The following PLEKHG1 variants were observed in gnomAD, a reference collection of about 807,000 sequenced individuals.
PLEKHG1 encodes the protein pleckstrin homology domain-containing family G member 1.
A neutral mutation model predicts 100.8 loss-of-function variants in PLEKHG1; 44 were observed. The ratio of observed to expected loss-of-function variants is 0.44; its 90% confidence interval spans 0.34 to 0.56. The LOEUF (loss-of-function observed/expected upper bound fraction) is 0.56, where lower values mean the gene tolerates loss of function less well. PLEKHG1 is among the 20% of genes least tolerant of loss of function. PLEKHG1 has a pLI of 0.01. For missense variants in PLEKHG1, 1,545 were observed against 1,720.9 expected, an observed-to-expected ratio of 0.90 and a Z score of 1.81; for synonymous variants, 640 against 662.5, an observed-to-expected ratio of 0.97 and a Z score of 0.52.
chr6:150,644,007 A>G (rs971774444), intron 2 of PLEKHG1, among the ~76,000 whole-genome samples: 8 of 152,046 alleles, frequency 5.3e-5, no homozygotes, highest in Admixed American at 2.0e-4. Context: ...CTGTCTTTGG[A>G]GGTCTCTGAG....
At chr6:150,779,344 G>GTTAGTTTTTTTTT (rs1554272274) in intron 3 of PLEKHG1, among the ~76,000 whole-genome samples, 9 of 104,536 alleles carry the variant, frequency 8.6e-5, no homozygotes, top group African/African-American at 3.9e-4. Flanking sequence ...TTGTCAAGAA[G>GTTAGTTTTTTTTT]TTTTTTTTTT....
chr6:150,722,643 C>T (rs745769675), intron 1 of PLEKHG1, among the ~76,000 whole-genome samples: 8 of 152,174 alleles, frequency 5.3e-5, no homozygotes, highest in Admixed American at 3.9e-4. Flanking sequence ...TGAGCCACTG[C>T]GCCCTGCCTC....
chr6:150,679,033 G>T (rs987662093), intron 3 of PLEKHG1, among the ~76,000 whole-genome samples: 2 of 152,086 alleles, frequency 1.3e-5, no homozygotes, highest in African/African-American at 4.8e-5. Flanking sequence ...CAATATTAAT[G>T]AGCAATTTTC....
chr6:150,831,906 A>C lies in PLEKHG1; in HGVS notation c.2795A>C (p.Asn932Thr). The C allele has an allele frequency of 2.5e-6, 4 of 1,614,086 alleles. No individual in the cohort carries two copies. Among genetic ancestry groups the C allele is most frequent in the Non-Finnish European group, 3.4e-6 (4 of 1,179,956 alleles). ...AAAGAAGGCTCCTTTATGAGCCTTAACCGGCTTTCTCTGGCTAGTGAAATG... is the reference window on the plus strand; with the variant it reads ...AAAGAAGGCTCCTTTATGAGCCTTACCCGGCTTTCTCTGGCTAGTGAAATG... Residue 932 changes from asparagine (N) to threonine (T), a missense_variant, in exon 15 of 16, where the codon AAC becomes ACC. Asn to Thr is a moderately conservative substitution (Grantham distance 65). Coordinates refer to ENST00000358517, the Ensembl canonical transcript of PLEKHG1. This position sits in a 1 kb window ranked among gnomAD's most constrained non-coding sequence, Gnocchi z 4.1.
chr6:150,811,286 T>TA lies in PLEKHG1; in HGVS notation c.1278+1555dup, dbSNP rs1337718417. ...AGGATAGGGAATGTTTTTTTTTTTT[T>TA]AAAGACAGGATCTTACTCTGTCGCC... On this transcript the variant is annotated intron_variant, in intron 10 of 15. Transcript: ENST00000358517. Among the ~76,000 whole-genome samples, 7 of 151,062 alleles carry TA rather than the reference T, an allele frequency of 4.6e-5. No homozygotes were observed. The South Asian group carries it at 1.5e-3, about 32-fold the overall frequency.
chr6:150,763,214 G>A (rs1276213573), intron 2 of PLEKHG1, among the ~76,000 whole-genome samples: 1 of 151,824 alleles, frequency 6.6e-6, no homozygotes, highest in African/African-American at 2.4e-5. Flanking sequence ...ATTTTTAGTA[G>A]AGATGGAGTT....
intron 3 of PLEKHG1, among the ~76,000 whole-genome samples, chr6:150,779,502 C>T (rs557481730): frequency 5.2e-4 from 79 of 151,992 alleles, no homozygotes; most frequent in African/African-American, 1.8e-3. Context: ...CCTGCCACCA[C>T]ACTCAGCTAA....
chr6:150,777,332 C>A (rs1258118964), intron 3 of PLEKHG1, among the ~76,000 whole-genome samples: 2 of 150,948 alleles, frequency 1.3e-5, no homozygotes, highest in East Asian at 3.9e-4. Context: ...GCACATTACT[C>A]ACACTGATGC....
intron 3 of PLEKHG1, among the ~76,000 whole-genome samples, chr6:150,696,496 A>C (rs1780550557): frequency 6.6e-6 from 1 of 152,134 alleles, no homozygotes; most frequent in African/African-American, 2.4e-5. Context: ...GCACGCACGC[A>C]CTTTCTCCCT....
intron 1 of PLEKHG1, chr6:150,633,183 A>C (rs1469407386): frequency 6.6e-6 from 1 of 152,232 alleles, no homozygotes; most frequent in Non-Finnish European, 1.5e-5. Context: ...TCTGCACTTG[A>C]GGAAACCACA....
chr6:150,689,125 G>T (rs893173933), intron 3 of PLEKHG1, among the ~76,000 whole-genome samples: 3 of 152,098 alleles, frequency 2.0e-5, no homozygotes, highest in Admixed American at 1.3e-4. Context: ...TAGACATTTT[G>T]TATGAGTGGA....
intron 2 of PLEKHG1, among the ~76,000 whole-genome samples, chr6:150,735,720 G>A (rs1782528116): frequency 1.3e-5 from 2 of 152,098 alleles, no homozygotes; most frequent in Non-Finnish European, 2.9e-5. Context: ...GGAAACATAT[G>A]GTTATTAAAG....
chr6:150,753,886 A>G (rs1206047067), intron 2 of PLEKHG1, among the ~76,000 whole-genome samples: 4 of 152,222 alleles, frequency 2.6e-5, no homozygotes, highest in Non-Finnish European at 5.9e-5. Context: ...GAGAGGGAGC[A>G]GCGGGGGCAC....
intron 1 of PLEKHG1, among the ~76,000 whole-genome samples, chr6:150,634,332 T>A (rs959455658): frequency 6.7e-6 from 1 of 148,622 alleles, no homozygotes; most frequent in African/African-American, 2.5e-5. Flanking sequence ...GAAAATAATA[T>A]GAGAATGTAG....
intron 1 of PLEKHG1, among the ~76,000 whole-genome samples, chr6:150,732,787 A>G (rs1244070271): frequency 6.6e-6 from 1 of 152,154 alleles, no homozygotes; most frequent in Admixed American, 6.5e-5. Flanking sequence ...CGGTTTTGCC[A>G]TGTTGGCCAG....
At chr6:150,811,649 AAGAG>A (rs1440227249) in intron 10 of PLEKHG1, among the ~76,000 whole-genome samples, 8 of 137,240 alleles carry the variant, frequency 5.8e-5, no homozygotes, top group Non-Finnish European at 1.1e-4. Flanking sequence ...AAAAAAAAAA[AAGAG>A]AGAATGTATG....
chr6:150,755,318 T>A (rs1783772125), intron 2 of PLEKHG1, among the ~76,000 whole-genome samples: 4 of 152,198 alleles, frequency 2.6e-5, no homozygotes, highest in African/African-American at 7.2e-5. Flanking sequence ...CTGACAATAA[T>A]CTTCAGACTC....
chr6:150,649,881 G>T (rs1006752723), intron 2 of PLEKHG1, among the ~76,000 whole-genome samples: 1 of 152,128 alleles, frequency 6.6e-6, no homozygotes, highest in Non-Finnish European at 1.5e-5. Context: ...GCGTGGCGGC[G>T]TGTGCCTGTA....
chr6:150,650,301 A>G (rs1457361879), intron 2 of PLEKHG1, among the ~76,000 whole-genome samples: 1 of 152,138 alleles, frequency 6.6e-6, no homozygotes, highest in Non-Finnish European at 1.5e-5. Flanking sequence ...CTCTCCTTCC[A>G]TTCCCTGCTT....
Sources: allele counts gnomAD v4.1 joint callset (sites outside exome capture counted in the v4.1 genomes callset), GRCh38; gene constraint gnomAD v4.1.1; non-coding constraint Gnocchi (gnomAD v3.1); transcripts MANE v1.5; gene names NCBI Gene and HGNC (gene_info 2026-07-23, HGNC 2026-07-21).